CNTNAP2: variants seen among roughly 807,000 people sequenced by gnomAD.
The protein encoded by CNTNAP2 is contactin-associated protein-like 2.
In CNTNAP2, 98 loss-of-function variants were observed where a neutral mutation model predicts 155.2. That is an observed-to-expected ratio of 0.63 (90% CI 0.54 to 0.75). The LOEUF (loss-of-function observed/expected upper bound fraction) is 0.75, where lower values mean the gene tolerates loss of function less well. Ranked by LOEUF, CNTNAP2 falls within the 30% of genes least tolerant of loss-of-function variation. The pLI is 0.00. For missense variants in CNTNAP2, 1,727 were observed against 1,688.1 expected (o/e 1.02, Z -0.40); for synonymous variants, 651 against 631.2 (o/e 1.03, Z -0.47).
At chr7:147,141,070 G>A (rs1411766468) in intron 8 of CNTNAP2, among the ~76,000 whole-genome samples, 1 of 152,042 alleles carries the variant, frequency 6.6e-6, no homozygotes, top group African/African-American at 2.4e-5. Flanking sequence ...ATCTTGCTAT[G>A]GCTCCAATAA....
chr7:146,717,754 A>G (rs186522509), intron 1 of CNTNAP2, among the ~76,000 whole-genome samples: 30 of 151,860 alleles, frequency 2.0e-4, no homozygotes, highest in Admixed American at 3.3e-4. Flanking sequence ...ACTTATATTA[A>G]TTGAGGTTTT....
At chr7:147,003,995 G>T (rs1477157132) in intron 3 of CNTNAP2, among the ~76,000 whole-genome samples, 1 of 151,994 alleles carries the variant, frequency 6.6e-6, no homozygotes, top group Non-Finnish European at 1.5e-5. Flanking sequence ...TTATGCCATT[G>T]CACTTTAGCC....
intron 1 of CNTNAP2, among the ~76,000 whole-genome samples, chr7:146,374,783 A>G (rs73162195): frequency 0.082 from 12,466 of 152,230 alleles, 1,138 homozygotes; most frequent in African/African-American, 0.22. Context: ...TAGTACTTGA[A>G]TATATGTGGT....
intron 1 of CNTNAP2, among the ~76,000 whole-genome samples, chr7:146,399,180 T>G (rs993542263): frequency 3.9e-5 from 6 of 152,196 alleles, no homozygotes; most frequent in African/African-American, 7.2e-5. Flanking sequence ...ACATAATTTT[T>G]GGGGGGTAAT....
chr7:147,736,624 C>G (rs1796850332), intron 13 of CNTNAP2, among the ~76,000 whole-genome samples: 1 of 151,954 alleles, frequency 6.6e-6, no homozygotes, highest in African/African-American at 2.4e-5. Flanking sequence ...TGTTTTCCAA[C>G]TTGGTTCCAT....
At chr7:147,810,027 C>T (rs1798155416) in intron 13 of CNTNAP2, among the ~76,000 whole-genome samples, 1 of 152,126 alleles carries the variant, frequency 6.6e-6, no homozygotes, top group Non-Finnish European at 1.5e-5. Context: ...CTCAAGCCAG[C>T]TCTATGCTTT....
chr7:146,882,734 C>T (rs1219966782), intron 3 of CNTNAP2, among the ~76,000 whole-genome samples: 6 of 152,020 alleles, frequency 3.9e-5, no homozygotes, highest in African/African-American at 1.4e-4. Flanking sequence ...TAGGTCAGCT[C>T]CTAGTGCTGT....
intron 8 of CNTNAP2, among the ~76,000 whole-genome samples, chr7:147,249,388 A>G (rs1804135854): frequency 6.6e-6 from 1 of 152,114 alleles, no homozygotes; most frequent in African/African-American, 2.4e-5. Context: ...TACTACCAAT[A>G]CATTCTATTC....
intron 11 of CNTNAP2, among the ~76,000 whole-genome samples, chr7:147,538,869 A>G (rs1799593715): frequency 6.6e-6 from 1 of 152,144 alleles, no homozygotes; most frequent in African/African-American, 2.4e-5. Context: ...TAGGACCCCT[A>G]GTAAGATGCT....
rs200909725 is a variant in CNTNAP2 at position 146,457,481 on chromosome 7, AATATATATATATAT to A, written c.98-316748_98-316735del. On this transcript the variant is annotated intron_variant, in intron 1 of 23. Coordinates refer to ENST00000361727, the MANE Select transcript of CNTNAP2 (RefSeq NM_014141.6). The stretch of plus-strand genomic sequence containing the variant: ...TGATTCATTTATAGCTTCAAAAATG[AATATATATATATAT>A]ATATATATATATATATATATATATA... Among the ~76,000 whole-genome samples the A allele has an allele frequency of 5.7e-3, 494 of 87,084 alleles. 3 individuals are homozygous for A. Among genetic ancestry groups the A allele is most frequent in the East Asian group, 0.01 (31 of 3,084 alleles). 57.1% of individuals were successfully genotyped at this position (87,084 alleles called of 152,430 possible).
At chr7:146,478,406 G>A (rs543208826) in intron 1 of CNTNAP2, among the ~76,000 whole-genome samples, 7 of 152,030 alleles carry the variant, frequency 4.6e-5, no homozygotes, top group African/African-American at 1.7e-4. Context: ...GTTCTAAGCT[G>A]GTTTGACATT....
intron 21 of CNTNAP2, among the ~76,000 whole-genome samples, chr7:148,350,832 T>G (rs903519575): frequency 1.3e-5 from 2 of 152,206 alleles, no homozygotes; most frequent in Non-Finnish European, 2.9e-5. Context: ...ATTTGCTAAG[T>G]CATCTCAGAA....
rs1796183705 is a variant in CNTNAP2, at chr7:147,363,854, T to C, written c.1499-31755T>C. On this transcript the variant is annotated intron_variant, in intron 9 of 23. Transcript: ENST00000361727. ...CATCTAGCACATGCAGTTTTAGAGT[T>C]GGTTTCACCTTGGATATACCTTTCA... 2.6e-5 allele frequency among the ~76,000 whole-genome samples: 4 copies of C among 152,394 alleles called. No individual in the cohort carries two copies. In the South Asian group the frequency reaches 8.3e-4, roughly 32 times the overall value.
intron 21 of CNTNAP2, among the ~76,000 whole-genome samples, chr7:148,285,516 G>A (rs1012397939): frequency 6.6e-6 from 1 of 152,212 alleles, no homozygotes; most frequent in Admixed American, 6.5e-5. Flanking sequence ...ACAGTAACTA[G>A]ACAGGTACTA....
chr7:146,263,640 G>A (rs1012618861), intron 1 of CNTNAP2, among the ~76,000 whole-genome samples: 5 of 152,152 alleles, frequency 3.3e-5, no homozygotes, highest in Non-Finnish European at 5.9e-5. Flanking sequence ...ACAGAGCAGG[G>A]TATGGTTGGC....
chr7:147,403,131 T>G (rs889722888), intron 10 of CNTNAP2, among the ~76,000 whole-genome samples: 1 of 152,186 alleles, frequency 6.6e-6, no homozygotes, highest in Non-Finnish European at 1.5e-5. Flanking sequence ...TCCCCATGAC[T>G]GCTTATCCTA....
intron 9 of CNTNAP2, among the ~76,000 whole-genome samples, chr7:147,392,966 A>T (rs933430364): frequency 2.0e-5 from 3 of 152,036 alleles, no homozygotes; most frequent in African/African-American, 7.2e-5. Context: ...AATTAATTTC[A>T]AACAATGATG....
At chr7:146,542,266 G>T (rs1463062176) in intron 1 of CNTNAP2, among the ~76,000 whole-genome samples, 5 of 151,894 alleles carry the variant, frequency 3.3e-5, no homozygotes, top group South Asian at 2.1e-4. Context: ...GCTATAAGGG[G>T]AGTGCTGAGA....
chr7:146,835,182 G>A (rs992286631), intron 2 of CNTNAP2, among the ~76,000 whole-genome samples: 79 of 152,190 alleles, frequency 5.2e-4, no homozygotes, highest in African/African-American at 1.9e-3. Context: ...CTGTATGTTA[G>A]TTGCTTGCTT....
Sources: gnomAD v4.1 joint callset for allele counts (sites outside exome capture counted in the v4.1 genomes callset) on GRCh38, gnomAD v4.1.1 for gene constraint, MANE v1.5 for transcripts, NCBI Gene and HGNC (gene_info 2026-07-23, HGNC 2026-07-21) for gene names.